The following COG4 variants were observed in gnomAD, a reference collection of about 807,000 sequenced individuals.
The protein encoded by COG4 is conserved oligomeric Golgi complex subunit 4.
COG4 carries 65 observed loss-of-function variants against 95.1 expected under a neutral mutation model. That is an observed-to-expected ratio of 0.68 (90% CI 0.56 to 0.84). COG4 has a LOEUF of 0.84. COG4 is among the 40% of genes least tolerant of loss of function. The pLI, the probability that COG4 is intolerant of heterozygous loss-of-function variation, is 0.00. For missense variants in COG4, 1,045 were observed against 989.1 expected (o/e 1.06, Z -0.76); for synonymous variants, 421 against 374.8 (o/e 1.12, Z -1.42).
Position 70,496,450 on chromosome 16 carries a change from T to G in COG4, c.1482-19A>C, listed in dbSNP as rs374414938. On this transcript the variant is annotated intron_variant, in intron 11 of 18. Transcript: ENST00000323786. The stretch of plus-strand genomic sequence containing the variant: ...AACATCCCTGGGGGGCAGGATTGCA[T>G]AGAGGAATTGACAGTGCTCAACTTG... The G allele has an allele frequency of 1.3e-4, 212 of 1,613,756 alleles. No individual in the cohort carries two copies. Among genetic ancestry groups the G allele is most frequent in the Non-Finnish European group, 1.6e-4 (193 of 1,179,884 alleles).
At chr16:70,515,827 G>A (rs2049810204) in intron 3 of COG4, 1 of 332,734 alleles carries the variant, frequency 3.0e-6, no homozygotes, top group African/African-American at 2.2e-5. Flanking sequence ...TATTAGCTGA[G>A]GGTTGTTTTT....
chr16:70,521,157 C>T (rs577545344), intron 1 of COG4, among the ~76,000 whole-genome samples: 4 of 152,076 alleles, frequency 2.6e-5, no homozygotes, highest in African/African-American at 7.2e-5. Context: ...AAGCTATCTG[C>T]CCATCTCAGC....
At chr16:70,522,318 C>T (rs543245325) in intron 1 of COG4, among the ~76,000 whole-genome samples, 1 of 152,298 alleles carries the variant, frequency 6.6e-6, no homozygotes, top group East Asian at 1.9e-4. Context: ...TAAAACACAT[C>T]TTGCTGAGGC....
chr16:70,508,627 C>G (rs1432518264), intron 7 of COG4, 163 bp from the exon 8 acceptor site: 2 of 708,692 alleles, frequency 2.8e-6, no homozygotes. Flanking sequence ...GATGACAGGC[C>G]AAAGATTTGT....
intron 3 of COG4, among the ~76,000 whole-genome samples, chr16:70,515,012 C>CTT (rs545289187): frequency 2.6e-4 from 37 of 140,544 alleles, no homozygotes; most frequent in African/African-American, 8.3e-4. Context: ...CAGAGCCCAA[C>CTT]TTTTTTTTTT....
At position 70,509,399 on chromosome 16, in the gene COG4, G is replaced by GGA; in HGVS notation, c.845-13_845-12dup. 1 of 1,614,098 alleles carries GGA rather than the reference G, an allele frequency of 6.2e-7. No individual in the cohort carries two copies. On this transcript the variant is annotated splice_polypyrimidine_tract_variant and intron_variant, in intron 6 of 18. Coordinates refer to ENST00000323786, the MANE Select transcript of COG4 (RefSeq NM_015386.3). ...CAATGCGGGCAATCCCTAGAAGGGA[G>GGA]GAAGCAATAGGGTTATATTCCAAGT...
chr16:70,523,306 A>G, intron 1 of COG4, 67 bp downstream of exon 1: 1 of 1,590,004 alleles, frequency 6.3e-7, no homozygotes, highest in East Asian at 2.2e-5. Context: ...CACAGCCCGG[A>G]TTTCCCGACT....
intron 4 of COG4, 140 bp downstream of exon 4, chr16:70,514,195 A>T: frequency 1.2e-6 from 1 of 859,024 alleles, no homozygotes; most frequent in Non-Finnish European, 1.8e-6. Context: ...GACAAGAGCA[A>T]GACTCCGTCT....
At chr16:70,487,323 G>C (rs541539226) in intron 13 of COG4, among the ~76,000 whole-genome samples, 1 of 151,242 alleles carries the variant, frequency 6.6e-6, no homozygotes. Context: ...AAGGCCAGGC[G>C]AGGTGGTTCA....
At chr16:70,497,451 T>TG in intron 10 of COG4, 64 bp from the exon 11 acceptor site, 1 of 1,502,586 alleles carries the variant, frequency 6.7e-7, no homozygotes, top group African/African-American at 1.4e-5. Context: ...TAGATGATTC[T>TG]GGGTACACTG....
chr16:70,492,031 C>G (rs1042061363), intron 12 of COG4, among the ~76,000 whole-genome samples: 7 of 151,912 alleles, frequency 4.6e-5, no homozygotes, highest in African/African-American at 1.7e-4. Context: ...TTATATAATG[C>G]CAGGAAGAAT....
At chr16:70,519,923 T>C (rs1426943362) in intron 1 of COG4, among the ~76,000 whole-genome samples, 192 bp from the exon 2 acceptor site, 1 of 152,236 alleles carries the variant, frequency 6.6e-6, no homozygotes, top group Non-Finnish European at 1.5e-5. Flanking sequence ...GTATATCTTA[T>C]TCCACCTGGC....
intron 4 of COG4, among the ~76,000 whole-genome samples, chr16:70,513,300 T>C (rs2049750160): frequency 6.6e-6 from 1 of 152,162 alleles, no homozygotes. Flanking sequence ...ATCTAAAATA[T>C]CAGGCTAAGA....
chr16:70,490,476 C>A (rs1347955673), intron 12 of COG4, 84 bp from the exon 13 acceptor site: 1 of 1,107,364 alleles, frequency 9.0e-7, no homozygotes, highest in East Asian at 2.4e-5. Flanking sequence ...GACAGCTGTG[C>A]TCCATGAAGC....
In COG4 at chr16:70,503,897, T is replaced by A. The variant is rs2049505820; in HGVS notation, c.1062-2806A>T. Among the ~76,000 whole-genome samples, 3 of 152,284 alleles carry A rather than the reference T, an allele frequency of 2.0e-5. No individual in the cohort carries two copies. In the South Asian group the frequency reaches 6.2e-4, roughly 32 times the overall value. On this transcript the variant is annotated intron_variant, in intron 8 of 18. Transcript: ENST00000323786. Reference sequence around the variant, plus strand: ...GCGTGAGCCACCGCGCCCGGCCAACTCCTACTTACTCTTAAGGTCTCAGAT... The same window carrying A: ...GCGTGAGCCACCGCGCCCGGCCAACACCTACTTACTCTTAAGGTCTCAGAT...
intron 8 of COG4, among the ~76,000 whole-genome samples, chr16:70,506,624 A>AAAAAAAAAAAT (rs2049581305): frequency 7.7e-6 from 1 of 129,160 alleles, no homozygotes; most frequent in Non-Finnish European, 1.6e-5. Flanking sequence ...AAAACAAAAA[A>AAAAAAAAAAAT]AAAAACATTT....
At chr16:70,492,451 G>C (rs1461869449) in intron 12 of COG4, among the ~76,000 whole-genome samples, 3 of 152,048 alleles carry the variant, frequency 2.0e-5, no homozygotes, top group Non-Finnish European at 2.9e-5. Flanking sequence ...CTGAGGTTGG[G>C]AGTTCGGGAC....
chr16:70,516,332 T>C (rs184799616), intron 3 of COG4, among the ~76,000 whole-genome samples: 1 of 152,078 alleles, frequency 6.6e-6, no homozygotes, highest in East Asian at 1.9e-4. Flanking sequence ...AGAATCTCTC[T>C]GTCGCCCAGG....
At chr16:70,515,751 G>A (rs2049808859) in intron 3 of COG4, 2 of 264,690 alleles carry the variant, frequency 7.6e-6, no homozygotes, top group African/African-American at 4.6e-5. Context: ...CATAGTAAGA[G>A]AAGACACCCT....
Sources: gnomAD v4.1 joint callset for allele counts (sites outside exome capture counted in the v4.1 genomes callset) on GRCh38, gnomAD v4.1.1 for gene constraint, MANE v1.5 for transcripts, NCBI Gene and HGNC (gene_info 2026-07-23, HGNC 2026-07-21) for gene names.